RSPO3: variants seen among roughly 807,000 people sequenced by gnomAD.
The protein encoded by RSPO3 is R-spondin-3.
In RSPO3, 17 loss-of-function variants were observed where a neutral mutation model predicts 36.5. The observed-to-expected ratio is 0.47, with a 90% CI of 0.32 to 0.70. The LOEUF is 0.70. RSPO3 is among the 30% of genes least tolerant of loss of function. RSPO3 has a pLI of 0.04. For synonymous variants in RSPO3, 108 were observed against 107.0 expected, an observed-to-expected ratio of 1.01 and a Z score of -0.06; for missense variants, 294 against 322.5, an observed-to-expected ratio of 0.91 and a Z score of 0.68.
intron 1 of RSPO3, among the ~76,000 whole-genome samples, chr6:127,125,453 T>C (rs897961918): frequency 6.6e-6 from 1 of 152,170 alleles, no homozygotes; most frequent in African/African-American, 2.4e-5. Context: ...CCTTTTACTA[T>C]ACCAAGCTAA....
chr6:127,170,081 C>G (rs891475256), intron 4 of RSPO3, among the ~76,000 whole-genome samples: 1 of 151,208 alleles, frequency 6.6e-6, no homozygotes, highest in African/African-American at 2.4e-5. Context: ...GAAGGTCTGC[C>G]AAAAAAGTTG....
chr6:127,167,886 T>C (rs2114611903), intron 4 of RSPO3, among the ~76,000 whole-genome samples: 1 of 152,172 alleles, frequency 6.6e-6, no homozygotes, highest in Non-Finnish European at 1.5e-5. Context: ...TCATGATAGT[T>C]TGCTGAGAAT....
chr6:127,194,826 C>A (rs981058214), intron 4 of RSPO3, among the ~76,000 whole-genome samples: 1 of 152,212 alleles, frequency 6.6e-6, no homozygotes, highest in Middle Eastern at 3.4e-3. Flanking sequence ...AGGTCGGGGG[C>A]CTGCATGAAA....
intron 1 of RSPO3, among the ~76,000 whole-genome samples, chr6:127,129,656 C>T (rs1181121418): frequency 1.7e-4 from 26 of 151,970 alleles, no homozygotes; most frequent in Admixed American, 1.7e-3. Flanking sequence ...TAATTTTTTT[C>T]CCAATAGGTT....
At chr6:127,195,100 T>C (rs1044613984) in intron 4 of RSPO3, among the ~76,000 whole-genome samples, 3 of 152,240 alleles carry the variant, frequency 2.0e-5, no homozygotes, top group African/African-American at 7.2e-5. Flanking sequence ...AAATTATAAC[T>C]ATGTAACTGC....
At chr6:127,187,510 C>A (rs1562254904) in intron 4 of RSPO3, among the ~76,000 whole-genome samples, 1 of 152,018 alleles carries the variant, frequency 6.6e-6, no homozygotes, top group Non-Finnish European at 1.5e-5. Context: ...CCTTTGATAA[C>A]AAGTAAGAAT....
intron 4 of RSPO3, among the ~76,000 whole-genome samples, chr6:127,158,889 T>C (rs531949694): frequency 6.6e-6 from 1 of 152,134 alleles, no homozygotes; most frequent in African/African-American, 2.4e-5. Flanking sequence ...ACCAATACAA[T>C]TCTTTCTAGC....
At position 127,153,917 on chromosome 6, in the gene RSPO3, C is replaced by T. The variant is rs1774539907; in HGVS notation, c.437-1324C>T. ...AAGAGATTATAATATTATTAATTGA[C>T]TTAGTTACTCTATTCTTGAATGAAA... is the stretch of plus-strand genomic sequence containing the variant. On this transcript the variant is annotated intron_variant, in intron 3 of 4. Transcript: ENST00000356698. Among the ~76,000 whole-genome samples the T allele has an allele frequency of 2.6e-5, 4 of 151,984 alleles. 1 individual carries two copies. In the South Asian group the frequency reaches 8.3e-4, roughly 31 times the overall value.
intron 1 of RSPO3, among the ~76,000 whole-genome samples, chr6:127,120,345 C>A (rs1482978287): frequency 1.3e-5 from 2 of 152,118 alleles, no homozygotes; most frequent in African/African-American, 2.4e-5. Flanking sequence ...AGAGCAGGGG[C>A]GACCCTGGCT....
At chr6:127,164,721 C>T (rs1201356784) in intron 4 of RSPO3, among the ~76,000 whole-genome samples, 1 of 152,032 alleles carries the variant, frequency 6.6e-6, no homozygotes, top group African/African-American at 2.4e-5. Context: ...TGATTATGCA[C>T]AAGGCCACTG....
intron 1 of RSPO3, among the ~76,000 whole-genome samples, chr6:127,121,326 T>A (rs888250096): frequency 1.4e-4 from 22 of 152,196 alleles, no homozygotes; most frequent in African/African-American, 4.8e-4. Flanking sequence ...ATGATGCACC[T>A]CTAGGTTGGG....
At chr6:127,166,392 G>C (rs979088003) in intron 4 of RSPO3, among the ~76,000 whole-genome samples, 3 of 152,018 alleles carry the variant, frequency 2.0e-5, no homozygotes, top group Admixed American at 2.0e-4. Context: ...CAGAGGAAAA[G>C]GAGGTGATGC....
chr6:127,153,649 A>G (rs1042822702), intron 3 of RSPO3, among the ~76,000 whole-genome samples: 2 of 152,050 alleles, frequency 1.3e-5, no homozygotes, highest in Admixed American at 1.3e-4. Flanking sequence ...TGCTTAGACC[A>G]CTTTTGCTAT....
chr6:127,152,818 A>G (rs1247828634), intron 3 of RSPO3, among the ~76,000 whole-genome samples: 1 of 152,078 alleles, frequency 6.6e-6, no homozygotes, highest in Non-Finnish European at 1.5e-5. Context: ...TGTGCTCCAG[A>G]TATTTGCTTC....
chr6:127,119,046 A>G lies in RSPO3; in HGVS notation c.-147A>G. On this transcript the variant is annotated 5_prime_UTR_variant, in exon 1 of 5. Transcript: ENST00000356698. ...CCCGCCCCACTTCGCTTGCCATCACAGCACGCCTATCGGATGTGAGAGGAG... is the reference window on the plus strand; with the variant it reads ...CCCGCCCCACTTCGCTTGCCATCACGGCACGCCTATCGGATGTGAGAGGAG... The G allele has an allele frequency of 1.8e-6, 1 of 562,714 alleles. No homozygotes were observed. Among genetic ancestry groups the G allele is most frequent in the Non-Finnish European group, 3.1e-6 (1 of 322,788 alleles). 34.9% of individuals were successfully genotyped at this position (562,714 alleles called of 1,614,324 possible).
At chr6:127,152,133 T>C (rs1407776271) in intron 3 of RSPO3, among the ~76,000 whole-genome samples, 4 of 152,164 alleles carry the variant, frequency 2.6e-5, no homozygotes, top group Admixed American at 1.3e-4. Context: ...TTACTGGTAA[T>C]TTATGCTGCT....
intron 1 of RSPO3, among the ~76,000 whole-genome samples, chr6:127,134,001 A>ACCT (rs1381989836): frequency 6.6e-6 from 1 of 152,124 alleles, no homozygotes; most frequent in Non-Finnish European, 1.5e-5. Context: ...GCCGAATAGT[A>ACCT]CCTCTTTTTT....
intron 1 of RSPO3, among the ~76,000 whole-genome samples, chr6:127,126,092 A>G (rs895934465): frequency 6.6e-6 from 1 of 152,156 alleles, no homozygotes; most frequent in African/African-American, 2.4e-5. Context: ...TTGGAGTATA[A>G]GGACTCAGGT....
chr6:127,170,650 A>G lies in RSPO3; in HGVS notation c.634+15212A>G, dbSNP rs994178869. On this transcript the variant is annotated intron_variant, in intron 4 of 4. Coordinates refer to ENST00000356698, the MANE Select transcript of RSPO3 (RefSeq NM_032784.5). ...CTACAGTGTTCATTGATGGATGAATAGATTAAACAAATTGTGATATATACA... is the reference window on the plus strand; with the variant it reads ...CTACAGTGTTCATTGATGGATGAATGGATTAAACAAATTGTGATATATACA... Among the ~76,000 whole-genome samples the G allele has an allele frequency of 1.3e-4, 20 of 151,878 alleles. No individual in the cohort carries two copies. The East Asian group carries it at 3.9e-3, about 30-fold the overall frequency.
Sources: allele counts gnomAD v4.1 joint callset (sites outside exome capture counted in the v4.1 genomes callset), GRCh38; gene constraint gnomAD v4.1.1; transcripts MANE v1.5; gene names NCBI Gene and HGNC (gene_info 2026-07-23, HGNC 2026-07-21).